CAMK1D: variants seen among roughly 807,000 people sequenced by gnomAD.
CAMK1D encodes calcium/calmodulin dependent protein kinase ID.
Under a neutral mutation model 47.7 loss-of-function variants are expected in CAMK1D, and 9 were observed. The ratio of observed to expected loss-of-function variants is 0.19; its 90% CI spans 0.11 to 0.33. The LOEUF is 0.33. CAMK1D is among the 10% of genes least tolerant of loss of function. The probability of loss-of-function intolerance (pLI) is 1.00; values close to 1 mark genes in which losing one functional copy is unlikely to be tolerated. For synonymous variants in CAMK1D, 184 were observed against 184.9 expected (o/e 0.99, Z 0.04); for missense variants, 291 against 488.7 (o/e 0.60, Z 3.81).
intron 2 of CAMK1D, among the ~76,000 whole-genome samples, chr10:12,575,973 A>C (rs116984934): frequency 1.3e-5 from 2 of 152,348 alleles, no homozygotes; most frequent in East Asian, 3.9e-4. Flanking sequence ...TGCTCCTGGG[A>C]GTTCTTTGTC....
At chr10:12,827,369 T>TTTCG (rs1264916705) in intron 10 of CAMK1D, among the ~76,000 whole-genome samples, 4 of 49,474 alleles carry the variant, frequency 8.1e-5, no homozygotes, top group Non-Finnish European at 2.0e-4. Context: ...TTTCTTTCTC[T>TTTCG]TTCTTTCTTT....
intron 2 of CAMK1D, among the ~76,000 whole-genome samples, chr10:12,559,764 C>T (rs890372729): frequency 1.3e-5 from 2 of 152,128 alleles, no homozygotes; most frequent in Non-Finnish European, 2.9e-5. Flanking sequence ...GAAGTACGGG[C>T]AGTAGTGGCA....
At chr10:12,471,437 G>A (rs372244229) in intron 1 of CAMK1D, among the ~76,000 whole-genome samples, 4 of 9,970 alleles carry the variant, frequency 4.0e-4, no homozygotes, top group African/African-American at 1.1e-3. Context: ...CTGGCTGTGT[G>A]CTGGCTGTGT....
chr10:12,684,203 G>C (rs777591820), intron 3 of CAMK1D, among the ~76,000 whole-genome samples: 9 of 152,108 alleles, frequency 5.9e-5, no homozygotes, highest in Non-Finnish European at 1.0e-4. Context: ...CTAATAGTTA[G>C]CATTTTAAGA....
At chr10:12,364,770 A>C (rs1261055129) in intron 1 of CAMK1D, among the ~76,000 whole-genome samples, 2 of 151,644 alleles carry the variant, frequency 1.3e-5, no homozygotes, top group Non-Finnish European at 2.9e-5. Context: ...TGGTGTGAAT[A>C]CTCCCACCTG....
intron 1 of CAMK1D, among the ~76,000 whole-genome samples, chr10:12,388,574 G>A (rs868583870): frequency 2.0e-5 from 3 of 152,210 alleles, no homozygotes; most frequent in African/African-American, 4.8e-5. Context: ...GTTGGGGGCT[G>A]TTAAGAGGCA....
chr10:12,361,310 G>A (rs1444935181), intron 1 of CAMK1D, among the ~76,000 whole-genome samples: 3 of 144,098 alleles, frequency 2.1e-5, no homozygotes, highest in East Asian at 4.4e-4. Context: ...GCAGTGGTGT[G>A]ATCTTGGCTC....
chr10:12,751,558 G>C (rs192076102), intron 3 of CAMK1D, among the ~76,000 whole-genome samples: 1 of 152,220 alleles, frequency 6.6e-6, no homozygotes, highest in Non-Finnish European at 1.5e-5. Context: ...GGTGGGACAG[G>C]AGGAGGAGCC....
rs186590463 is a variant in CAMK1D at position 12,422,729 on chromosome 10, G to A, written c.92+72819G>A. 2.1e-4 allele frequency among the ~76,000 whole-genome samples: 32 copies of A among 151,838 alleles called. No individual in the cohort carries two copies. In the East Asian group the frequency reaches 5.6e-3, roughly 27 times the overall value. ...AGTCTGTCGCCCAGGCTGGAGTGCA[G>A]TGGCATAATCTCGGCTCACTGCAAC... On this transcript the variant is annotated intron_variant, in intron 1 of 10. Transcript: ENST00000619168.
intron 1 of CAMK1D, among the ~76,000 whole-genome samples, chr10:12,453,364 A>G (rs1487671947): frequency 6.6e-6 from 1 of 151,682 alleles, no homozygotes; most frequent in African/African-American, 2.4e-5. Context: ...TAATTGTTGT[A>G]TTTTTAGTAG....
chr10:12,489,661 TG>T (rs1399080423), intron 1 of CAMK1D, among the ~76,000 whole-genome samples: 1 of 152,314 alleles, frequency 6.6e-6, no homozygotes, highest in East Asian at 1.9e-4. Context: ...TGGGGATGCC[TG>T]GTTTACACGA....
At chr10:12,448,710 T>A (rs2132027748) in intron 1 of CAMK1D, among the ~76,000 whole-genome samples, 1 of 152,344 alleles carries the variant, frequency 6.6e-6, no homozygotes, top group East Asian at 1.9e-4. Flanking sequence ...ATTTTTCTCT[T>A]TTACTTTTTG....
At chr10:12,646,599 A>G (rs1839817305) in intron 2 of CAMK1D, among the ~76,000 whole-genome samples, 1 of 152,094 alleles carries the variant, frequency 6.6e-6, no homozygotes, top group South Asian at 2.1e-4. Flanking sequence ...TAAAATAGGG[A>G]TAATAGACCC....
intron 3 of CAMK1D, among the ~76,000 whole-genome samples, chr10:12,758,546 C>T (rs2130897914): frequency 6.6e-6 from 1 of 152,292 alleles, no homozygotes; most frequent in East Asian, 1.9e-4. Context: ...TGAGACTCTG[C>T]AACAGTACAT....
rs1366265578 is a variant in CAMK1D, at chr10:12,810,319, G to A, written c.642-3876G>A. Among the ~76,000 whole-genome samples the A allele has an allele frequency of 3.7e-5, 5 of 136,392 alleles. No homozygotes were observed. In the Admixed American group the frequency reaches 4.1e-4, roughly 11 times the overall value. The allele number at this position is 136,392 out of a possible 152,430, so 89.5% of individuals were successfully genotyped here. A position where few individuals can be genotyped will look rare whatever the true frequency, so the allele number is the denominator to read the frequency against. ...TGATGGAGTCTCGCTTTGTTGCCCA[G>A]GCTGGAGTGCAGTGGTGTGATCTCA... On this transcript the variant is annotated intron_variant, in intron 6 of 10. Coordinates refer to ENST00000619168, the MANE Select transcript of CAMK1D (RefSeq NM_153498.4).
chr10:12,374,818 T>C (rs1047666178), intron 1 of CAMK1D, among the ~76,000 whole-genome samples: 2 of 151,316 alleles, frequency 1.3e-5, no homozygotes, highest in Admixed American at 1.3e-4. Flanking sequence ...TGGTGGGCGC[T>C]TGTAATCCCA....
At chr10:12,557,506 C>A (rs1441740542) in intron 2 of CAMK1D, among the ~76,000 whole-genome samples, 1 of 143,732 alleles carries the variant, frequency 7.0e-6, no homozygotes, top group Non-Finnish European at 1.5e-5. Flanking sequence ...GAGCCCAGAT[C>A]GCGCCACTGC....
intron 3 of CAMK1D, among the ~76,000 whole-genome samples, chr10:12,751,479 G>T (rs1356002627): frequency 6.6e-6 from 1 of 152,158 alleles, no homozygotes; most frequent in Non-Finnish European, 1.5e-5. Context: ...ACCATGCAAG[G>T]CTCTGGGTAA....
intron 1 of CAMK1D, among the ~76,000 whole-genome samples, chr10:12,438,447 G>A (rs1832695267): frequency 6.6e-6 from 1 of 152,146 alleles, no homozygotes; most frequent in Admixed American, 6.5e-5. Flanking sequence ...CATTCATTCA[G>A]TTTCTTTCTT....
Sources: allele counts gnomAD v4.1 joint callset (sites outside exome capture counted in the v4.1 genomes callset), GRCh38; gene constraint gnomAD v4.1.1; transcripts MANE v1.5; gene names NCBI Gene and HGNC (gene_info 2026-07-23, HGNC 2026-07-21).